Variants in TANGO6 observed in about 807,000 individuals in gnomAD.
The protein encoded by TANGO6 is transport and Golgi organization protein 6 homolog.
In TANGO6, 90 loss-of-function variants were observed where a neutral mutation model predicts 114.2. The ratio of observed to expected loss-of-function variants is 0.79; its 90% CI spans 0.66 to 0.94. The LOEUF (loss-of-function observed/expected upper bound fraction) is 0.94. Among genes scored for constraint, TANGO6 ranks in the 40% least tolerant of loss-of-function variants. The pLI is 0.00. For missense variants in TANGO6, 1,274 were observed against 1,315.3 expected (o/e 0.97, Z 0.49); for synonymous variants, 477 against 509.8 (o/e 0.94, Z 0.87).
intron 14 of TANGO6, among the ~76,000 whole-genome samples, chr16:68,952,583 T>A (rs1186629749): frequency 6.6e-6 from 1 of 152,230 alleles, no homozygotes; most frequent in Non-Finnish European, 1.5e-5. Context: ...TTACAATTTT[T>A]AACTGAATGA....
At chr16:69,070,045 A>G (rs1157793895) in intron 17 of TANGO6, among the ~76,000 whole-genome samples, 1 of 115,800 alleles carries the variant, frequency 8.6e-6, no homozygotes, top group Non-Finnish European at 2.0e-5. Flanking sequence ...TGTCTGTACT[A>G]AAAAAAAAAA....
At position 68,867,160 on chromosome 16, in the gene TANGO6, A is replaced by G; in HGVS notation, c.934A>G (p.Arg312Gly). The G allele has an allele frequency of 6.2e-7, 1 of 1,613,894 alleles. No individual in the cohort carries two copies. The highest frequency in any genetic ancestry group is 8.5e-7 in the Non-Finnish European group (1 of 1,179,880). ...RRLCGQLLSE[R>G]LMRPNGVQAV... ...TCTATGTGGACAGCTGCTCTCTGAAAGGTTAATGAGACCTAATGGTGTTCA... is the reference window on the plus strand; with the variant it reads ...TCTATGTGGACAGCTGCTCTCTGAAGGGTTAATGAGACCTAATGGTGTTCA... Residue 312 changes from arginine to glycine, a missense_variant, in exon 4 of 18, where the codon AGG becomes GGG. Arg to Gly is a moderately radical substitution (Grantham distance 125, BLOSUM62 -2). Transcript: ENST00000261778.
intron 15 of TANGO6, among the ~76,000 whole-genome samples, chr16:68,983,244 A>C (rs1323688791): frequency 6.6e-6 from 1 of 152,206 alleles, no homozygotes; most frequent in Admixed American, 6.5e-5. Context: ...ACCTCTGCCC[A>C]TAGTAACACC....
At chr16:68,877,391 C>G (rs2152168734) in intron 5 of TANGO6, among the ~76,000 whole-genome samples, 1 of 150,438 alleles carries the variant, frequency 6.6e-6, no homozygotes, top group Admixed American at 6.7e-5. Context: ...TTGCTTGAAC[C>G]TGGGAGGCGG....
intron 4 of TANGO6, among the ~76,000 whole-genome samples, chr16:68,871,876 T>C (rs1433161544): frequency 6.6e-6 from 1 of 152,160 alleles, no homozygotes; most frequent in Admixed American, 6.5e-5. Flanking sequence ...CACCTTGGCC[T>C]CCCAAAGTGC....
At chr16:69,038,752 T>C (rs1368995706) in intron 16 of TANGO6, among the ~76,000 whole-genome samples, 3 of 152,094 alleles carry the variant, frequency 2.0e-5, no homozygotes, top group Non-Finnish European at 4.4e-5. Context: ...TTTAAAGTAA[T>C]TGAGCGCTGG....
At chr16:69,044,846 TA>T (rs1180334097) in intron 17 of TANGO6, among the ~76,000 whole-genome samples, 33 of 151,918 alleles carry the variant, frequency 2.2e-4, no homozygotes, top group Admixed American at 1.7e-3. Context: ...AGCAAGACCT[TA>T]TCTGAAAAAG....
chr16:68,856,816 C>T (rs1962001947), intron 1 of TANGO6, among the ~76,000 whole-genome samples: 1 of 152,108 alleles, frequency 6.6e-6, no homozygotes, highest in African/African-American at 2.4e-5. Context: ...CCCTAAAAAA[C>T]CATGCTTCCT....
intron 7 of TANGO6, among the ~76,000 whole-genome samples, chr16:68,892,640 G>T (rs1272650146): frequency 6.6e-6 from 1 of 151,648 alleles, no homozygotes; most frequent in Non-Finnish European, 1.5e-5. Flanking sequence ...TGAGCCTCCC[G>T]AGTAACTGGG....
At chr16:69,042,376 G>A (rs1235395776) in intron 17 of TANGO6, among the ~76,000 whole-genome samples, 5 of 152,002 alleles carry the variant, frequency 3.3e-5, no homozygotes, top group East Asian at 1.9e-4. Flanking sequence ...GTGAAACCCC[G>A]TCTCTACTAA....
chr16:68,894,013 G>A (rs757989131), intron 7 of TANGO6, among the ~76,000 whole-genome samples: 4 of 152,192 alleles, frequency 2.6e-5, no homozygotes, highest in Non-Finnish European at 5.9e-5. Context: ...TGCCTTCGCT[G>A]CTTCCTCAGT....
chr16:68,980,413 A>G (rs186733599), intron 15 of TANGO6, among the ~76,000 whole-genome samples: 3 of 43,190 alleles, frequency 6.9e-5, no homozygotes, highest in Non-Finnish European at 1.4e-4. Flanking sequence ...CTCTCTCTAT[A>G]TATATATATA....
At chr16:68,936,317 A>G (rs911962975) in intron 14 of TANGO6, among the ~76,000 whole-genome samples, 2 of 152,168 alleles carry the variant, frequency 1.3e-5, no homozygotes, top group Middle Eastern at 3.2e-3. Context: ...ATATTCTTCA[A>G]TAAGACATAG....
intron 15 of TANGO6, among the ~76,000 whole-genome samples, chr16:68,994,731 C>T (rs970180831): frequency 2.6e-5 from 4 of 151,596 alleles, no homozygotes; most frequent in South Asian, 2.1e-4. Context: ...CACACCACCA[C>T]GTCCAGCTAA....
intron 14 of TANGO6, among the ~76,000 whole-genome samples, chr16:68,946,047 A>C (rs1166327878): frequency 6.6e-6 from 1 of 151,848 alleles, no homozygotes; most frequent in Non-Finnish European, 1.5e-5. Flanking sequence ...TTCTTTATAC[A>C]TTCTGGAGAA....
At chr16:68,923,202 C>G (rs1258040498) in intron 12 of TANGO6, among the ~76,000 whole-genome samples, 1 of 151,466 alleles carries the variant, frequency 6.6e-6, no homozygotes. Context: ...AGGTGATCTG[C>G]CCGCTTCCGC....
chr16:68,913,666 C>T (rs887808081), intron 11 of TANGO6, among the ~76,000 whole-genome samples: 1 of 151,878 alleles, frequency 6.6e-6, no homozygotes, highest in Non-Finnish European at 1.5e-5. Flanking sequence ...ACCTTGGCCT[C>T]CCAAAGTGCT....
chr16:68,993,443 G>A (rs1482263792), intron 15 of TANGO6, among the ~76,000 whole-genome samples: 1 of 152,134 alleles, frequency 6.6e-6, no homozygotes, highest in Non-Finnish European at 1.5e-5. Context: ...ATAGATTTTT[G>A]CATTCATTTT....
chr16:69,072,026 CGTGTGTGTGTGTGT>C (rs58310609), intron 17 of TANGO6, among the ~76,000 whole-genome samples: 20 of 93,010 alleles, frequency 2.2e-4, no homozygotes, highest in Admixed American at 9.6e-4. Flanking sequence ...AGAGGGAGAC[CGTGTGTGTGTGTGT>C]GTGTGTGTGT....
Sources: gnomAD v4.1 joint callset for allele counts (sites outside exome capture counted in the v4.1 genomes callset) on GRCh38, gnomAD v4.1.1 for gene constraint, MANE v1.5 for transcripts, NCBI Gene and HGNC (gene_info 2026-07-23, HGNC 2026-07-21) for gene names.